The following ARHGAP26 variants were observed in gnomAD, a reference collection of about 807,000 sequenced individuals.
The protein encoded by ARHGAP26 is Rho GTPase activating protein 26.
In ARHGAP26, 38 loss-of-function variants were observed where a neutral mutation model predicts 104.8. The ratio of observed to expected loss-of-function variants is 0.36; its 90% CI spans 0.28 to 0.48. The LOEUF is 0.48. Ranked by LOEUF, ARHGAP26 falls within the 20% of genes least tolerant of loss-of-function variation. ARHGAP26 has a pLI of 0.99. For missense variants in ARHGAP26, 704 were observed against 947.9 expected, an observed-to-expected ratio of 0.74 and a Z score of 3.38; for synonymous variants, 341 against 340.0, an observed-to-expected ratio of 1.00 and a Z score of -0.03.
chr5:143,012,576 T>TATATATATATA (rs1554195628), intron 11 of ARHGAP26, among the ~76,000 whole-genome samples: 56 of 56,954 alleles, frequency 9.8e-4, no homozygotes, highest in Middle Eastern at 7.7e-3. Context: ...TATATATATA[T>TATATATATATA]TATGATCAGG....
intron 4 of ARHGAP26, among the ~76,000 whole-genome samples, chr5:142,884,903 A>T (rs1039198604): frequency 2.6e-5 from 4 of 152,142 alleles, no homozygotes; most frequent in Non-Finnish European, 5.9e-5. Context: ...CTGTGAGGAT[A>T]TCTTCCTTCC....
At chr5:143,043,033 A>G (rs1176134732) in intron 14 of ARHGAP26, among the ~76,000 whole-genome samples, 1 of 152,226 alleles carries the variant, frequency 6.6e-6, no homozygotes, top group Non-Finnish European at 1.5e-5. Context: ...GAAATAATAT[A>G]GAGATCCTGT....
chr5:143,031,214 G>A (rs145410315), intron 12 of ARHGAP26, among the ~76,000 whole-genome samples: 1 of 152,340 alleles, frequency 6.6e-6, no homozygotes, highest in Non-Finnish European at 1.5e-5. Context: ...GCAGGGCCCC[G>A]TCACACACAG....
chr5:142,982,983 G>T (rs1186901469), intron 11 of ARHGAP26, among the ~76,000 whole-genome samples: 1 of 152,150 alleles, frequency 6.6e-6, no homozygotes, highest in Non-Finnish European at 1.5e-5. Context: ...TCTGGGGTTG[G>T]TGGTTATTTC....
intron 11 of ARHGAP26, among the ~76,000 whole-genome samples, chr5:142,970,112 GTGTT>G (rs1397402728): frequency 1.3e-5 from 2 of 152,222 alleles, no homozygotes; most frequent in Non-Finnish European, 2.9e-5. Flanking sequence ...TGCATATAAA[GTGTT>G]TGTTGAACAT....
chr5:142,964,773 A>G (rs1295957104), intron 11 of ARHGAP26, among the ~76,000 whole-genome samples: 1 of 152,166 alleles, frequency 6.6e-6, no homozygotes, highest in African/African-American at 2.4e-5. Context: ...GGTAGCCTGT[A>G]GGGGCCAGCC....
At chr5:143,130,222 C>T (rs1326731083) in intron 18 of ARHGAP26, among the ~76,000 whole-genome samples, 1 of 152,218 alleles carries the variant, frequency 6.6e-6, no homozygotes, top group Non-Finnish European at 1.5e-5. Flanking sequence ...TATGGATCTG[C>T]TAATTCCACT....
rs1487216882 is a variant in ARHGAP26, at chr5:143,223,005, A to G, written c.*559A>G. ...TAAAACACTGTTTATATAAGATCCA[A>G]TCTCTCACCATCTCTAAAGCAGCCG... is the stretch of plus-strand genomic sequence containing the variant. On this transcript the variant is annotated 3_prime_UTR_variant, in exon 23 of 23. Coordinates refer to ENST00000645722, the MANE Select transcript of ARHGAP26 (RefSeq NM_001135608.3). 4.3e-6 allele frequency: 1 copy of G among 233,048 alleles called. No individual in the cohort carries two copies. Among genetic ancestry groups the G allele is most frequent in the Non-Finnish European group, 8.5e-6 (1 of 117,786 alleles). The allele number at this position is 233,048 out of a possible 1,614,324, so 14.4% of individuals were successfully genotyped here.
At chr5:143,155,874 G>T (rs1272059835) in intron 20 of ARHGAP26, among the ~76,000 whole-genome samples, 2 of 152,156 alleles carry the variant, frequency 1.3e-5, no homozygotes, top group African/African-American at 4.8e-5. Flanking sequence ...CACAGTACAT[G>T]CTTAAAGCTT....
chr5:143,022,226 C>G (rs1780439588), intron 12 of ARHGAP26, among the ~76,000 whole-genome samples: 2 of 152,106 alleles, frequency 1.3e-5, no homozygotes, highest in South Asian at 4.1e-4. Flanking sequence ...TGCCTGCTAC[C>G]ACACCTGGCT....
chr5:142,971,966 G>A (rs1261304695), intron 11 of ARHGAP26, among the ~76,000 whole-genome samples: 1 of 152,172 alleles, frequency 6.6e-6, no homozygotes, highest in Non-Finnish European at 1.5e-5. Context: ...CAGATCAGTT[G>A]AGGTCAGGAG....
chr5:143,011,303 CTTTT>C (rs58841045), intron 11 of ARHGAP26, among the ~76,000 whole-genome samples: 117 of 110,990 alleles, frequency 1.1e-3, no homozygotes, highest in Non-Finnish European at 1.7e-3. Context: ...TAAACCCCCG[CTTTT>C]TTTTTTTTTT....
chr5:142,999,331 C>T (rs1353657246), intron 11 of ARHGAP26, among the ~76,000 whole-genome samples: 1 of 152,094 alleles, frequency 6.6e-6, no homozygotes, highest in Non-Finnish European at 1.5e-5. Context: ...AGCACACTTA[C>T]CTGCTTGTCC....
intron 6 of ARHGAP26, among the ~76,000 whole-genome samples, chr5:142,901,413 T>G (rs992318278): frequency 6.6e-6 from 1 of 152,160 alleles, no homozygotes; most frequent in Non-Finnish European, 1.5e-5. Flanking sequence ...CACACTTCAG[T>G]TGGATGATTT....
chr5:142,816,230 C>A (rs1270248089), intron 1 of ARHGAP26, among the ~76,000 whole-genome samples: 1 of 152,174 alleles, frequency 6.6e-6, no homozygotes, highest in African/African-American at 2.4e-5. Context: ...AGGGTAGGAA[C>A]CATGTCTTTT....
At chr5:142,935,403 A>G (rs892288949) in intron 11 of ARHGAP26, among the ~76,000 whole-genome samples, 1 of 152,226 alleles carries the variant, frequency 6.6e-6, no homozygotes, top group African/African-American at 2.4e-5. Context: ...GATTGCAGCT[A>G]CTAACTTTGC....
intron 1 of ARHGAP26, among the ~76,000 whole-genome samples, chr5:142,801,780 C>T (rs1349530240): frequency 6.6e-6 from 1 of 151,702 alleles, no homozygotes; most frequent in Non-Finnish European, 1.5e-5. Flanking sequence ...GACGAAAGTA[C>T]CTTGTCTTAA....
At chr5:142,794,906 T>A (rs1760661705) in intron 1 of ARHGAP26, among the ~76,000 whole-genome samples, 1 of 152,188 alleles carries the variant, frequency 6.6e-6, no homozygotes, top group Admixed American at 6.6e-5. Flanking sequence ...AAACTATAAC[T>A]AATAGAGCTT....
At chr5:143,207,145 C>G in intron 20 of ARHGAP26, 53 bp from the exon 21 acceptor site, 1 of 1,586,772 alleles carries the variant, frequency 6.3e-7, no homozygotes, top group Non-Finnish European at 8.6e-7. Flanking sequence ...TCCTGTGCTC[C>G]CATTGTGGTT....
Sources: allele counts gnomAD v4.1 joint callset (sites outside exome capture counted in the v4.1 genomes callset), GRCh38; gene constraint gnomAD v4.1.1; transcripts MANE v1.5; gene names NCBI Gene and HGNC (gene_info 2026-07-23, HGNC 2026-07-21).